The following CATSPER2 variants were observed in gnomAD, a reference collection of about 807,000 sequenced individuals.
CATSPER2 encodes cation channel sperm associated 2, also known as cation channel sperm-associated protein 2.
Under a neutral mutation model 68.8 loss-of-function variants are expected in CATSPER2, and 56 were observed. The ratio of observed to expected loss-of-function variants is 0.81; its 90% CI spans 0.66 to 1.02. CATSPER2 has a LOEUF of 1.02. Ranked by LOEUF, CATSPER2 falls within the 50% of genes least tolerant of loss-of-function variation. CATSPER2 has a pLI of 0.00. For synonymous variants in CATSPER2, 198 were observed against 229.9 expected (o/e 0.86, Z 1.26); for missense variants, 582 against 642.0 (o/e 0.91, Z 1.01).
rs1182004343 is a variant in CATSPER2, at chr15:43,628,539, C to A, written c.*2162G>T. On this transcript the variant is annotated 3_prime_UTR_variant, in exon 13 of 13. Transcript: ENST00000396879. ...ATTTGTTTATTCTGGACATTCAATT[C>A]ATTTGCCTTTTCCCCATCTTGGCCT... 1.3e-5 allele frequency: 2 copies of A among 148,224 alleles called. No homozygotes were observed. Among genetic ancestry groups the A allele is most frequent in the African/African-American group, 5.1e-5 (2 of 39,096 alleles). 9.2% of individuals were successfully genotyped at this position (148,224 alleles called of 1,614,324 possible).
chr15:43,645,303 G>A (rs2086144268), intron 4 of CATSPER2, among the ~76,000 whole-genome samples: 1 of 151,458 alleles, frequency 6.6e-6, no homozygotes, highest in African/African-American at 2.4e-5. Flanking sequence ...CGATCCTCCC[G>A]CCTCAGCCTC....
In CATSPER2 at chr15:43,639,119, A is replaced by G. The variant is rs2086022914; in HGVS notation, c.718-91T>C. On this transcript the variant is annotated intron_variant, in intron 6 of 12. Coordinates refer to ENST00000396879, the MANE Select transcript of CATSPER2 (RefSeq NM_172095.4). ...CAAGCTCACCTGGCAATCCCCCACC[A>G]AACCCTCTCTTGCACTGCTGAACCC... 2.0e-6 allele frequency: 3 copies of G among 1,502,108 alleles called. No individual in the cohort carries two copies. The Admixed American group carries it at 5.2e-5, about 26-fold the overall frequency. 93.0% of individuals were successfully genotyped at this position (1,502,108 alleles called of 1,614,324 possible).
chr15:43,638,795 C>G, intron 7 of CATSPER2, 109 bp downstream of exon 7: 8 of 1,309,326 alleles, frequency 6.1e-6, no homozygotes, highest in Non-Finnish European at 8.7e-6. Context: ...TGTTCTATTT[C>G]AGTTTCTTGG....
intron 4 of CATSPER2, chr15:43,642,350 G>A (rs903645870): frequency 6.6e-6 from 1 of 151,520 alleles, no homozygotes; most frequent in African/African-American, 2.4e-5. Context: ...TGCCCACCTC[G>A]GCCTCCCAAA....
intron 12 of CATSPER2, among the ~76,000 whole-genome samples, chr15:43,630,942 C>T (rs967858502): frequency 1.3e-4 from 20 of 152,094 alleles, no homozygotes; most frequent in Admixed American, 3.3e-4. Context: ...CTCCTTTTCA[C>T]CCTGTCCTCC....
chr15:43,632,347 C>T lies in CATSPER2; in HGVS notation c.1413G>A (p.Glu471=), dbSNP rs775393399. 4.3e-6 allele frequency: 7 copies of T among 1,613,564 alleles called. No individual in the cohort carries two copies. In the Admixed American group the frequency reaches 6.7e-5, roughly 15 times the overall value. ...CGGGCAGATTTTCGTGCACAAGAGT[C>T]TCCCAGTCCAAACGACCTGCAGGGA... The part of the protein sequence containing the change: ...FSESIGRLDW[E]TLVHENLPGL... The change falls in exon 12 of 13, where the codon GAG becomes GAA. Residue 471 remains glutamate (E), a synonymous_variant. Coordinates refer to ENST00000396879, the MANE Select transcript of CATSPER2 (RefSeq NM_172095.4).
At position 43,638,951 on chromosome 15, in the gene CATSPER2, C is replaced by G. The variant is rs764229568; in HGVS notation, c.795G>C (p.Glu265Asp). The stretch of plus-strand genomic sequence containing the variant: ...GGTCCTGACGAGGTGAACGGGTGTA[C>G]TCTGAGAAGACGTAGACACCAGTCA... ...FAVTGVYVFS[E>D]YTRSPRQDLE... Residue 265 changes from glutamate to aspartate, a missense_variant, in exon 7 of 13, where the codon GAG becomes GAC. Glu to Asp is a conservative substitution (Grantham distance 45, BLOSUM62 2). Transcript: ENST00000396879. The G allele has an allele frequency of 6.2e-7, 1 of 1,613,188 alleles. No homozygotes were observed.
At chr15:43,646,974 C>T in intron 4 of CATSPER2, 76 bp downstream of exon 4, 1 of 1,308,530 alleles carries the variant, frequency 7.6e-7, no homozygotes, top group East Asian at 2.3e-5. Flanking sequence ...GCCCCGGCCT[C>T]CCAAAGTGCT....
intron 4 of CATSPER2, among the ~76,000 whole-genome samples, chr15:43,642,005 G>A (rs2086082965): frequency 6.6e-6 from 1 of 151,890 alleles, no homozygotes; most frequent in East Asian, 1.9e-4. Flanking sequence ...GCACTCCTAT[G>A]CTTATTTAGG....
intron 4 of CATSPER2, among the ~76,000 whole-genome samples, chr15:43,641,018 C>G (rs1191865774): frequency 6.6e-6 from 1 of 151,898 alleles, no homozygotes; most frequent in African/African-American, 2.4e-5. Flanking sequence ...AAAACTTTTC[C>G]TTTCTTCCCT....
rs192566425 is a variant in CATSPER2 at position 43,646,861 on chromosome 15, C to T, written c.388+189G>A. 1.5e-4 allele frequency among the ~76,000 whole-genome samples: 22 copies of T among 151,678 alleles called. 1 individual carries two copies. Among genetic ancestry groups the T allele is most frequent in the Admixed American group, 1.4e-3 (21 of 15,240 alleles). On this transcript the variant is annotated intron_variant, in intron 4 of 12. Coordinates refer to ENST00000396879, the MANE Select transcript of CATSPER2 (RefSeq NM_172095.4). Reference sequence around the variant, plus strand: ...TCCCAAGTAGCTGGGACTACAAGCGCGTGCTACCAAGCCCGGCTAATTTTT... The same window carrying T: ...TCCCAAGTAGCTGGGACTACAAGCGTGTGCTACCAAGCCCGGCTAATTTTT...
At chr15:43,648,500 G>T in intron 1 of CATSPER2, 129 bp downstream of exon 1, 1 of 941,694 alleles carries the variant, frequency 1.1e-6, no homozygotes, top group Non-Finnish European at 1.5e-6. Context: ...GAGAAACCAA[G>T]TGCAGAGAAA....
chr15:43,634,599 C>A (rs531150969), intron 10 of CATSPER2: 52 of 152,452 alleles, frequency 3.4e-4, no homozygotes, highest in African/African-American at 1.1e-3. Flanking sequence ...TCTTGAACTT[C>A]TGGCTTGAAC....
intron 7 of CATSPER2, among the ~76,000 whole-genome samples, chr15:43,636,481 C>T (rs1209090397): frequency 2.0e-5 from 3 of 151,822 alleles, no homozygotes; most frequent in Admixed American, 2.0e-4. Flanking sequence ...ACCTCCACCT[C>T]CTGGGTTCAA....
intron 4 of CATSPER2, 33 bp from the exon 5 acceptor site, chr15:43,640,529 T>A: frequency 6.2e-7 from 1 of 1,612,656 alleles, no homozygotes; most frequent in East Asian, 2.2e-5. Context: ...GAATAAAAGT[T>A]AAGGAAGCTG....
intron 4 of CATSPER2, 116 bp downstream of exon 4, chr15:43,646,934 C>T (rs1172434647): frequency 1.1e-6 from 1 of 877,034 alleles, no homozygotes; most frequent in Non-Finnish European, 1.9e-6. Context: ...CCAGGCTGGT[C>T]TCCAACTCCT....
At chr15:43,632,622 G>A in intron 11 of CATSPER2, 95 bp downstream of exon 11, 4 of 1,600,888 alleles carry the variant, frequency 2.5e-6, no homozygotes, top group Non-Finnish European at 1.7e-6. Flanking sequence ...TTGGAAAGGA[G>A]ATATACTAGG....
rs768405401 is a variant in CATSPER2, at chr15:43,636,237, T to G, written c.843-18A>C. ...GGAGGTCCCTAAAGAAAAAGACATGTGAATAGACAGAAGCAGAGACCTAAA... is the reference window on the plus strand; with the variant it reads ...GGAGGTCCCTAAAGAAAAAGACATGGGAATAGACAGAAGCAGAGACCTAAA... On this transcript the variant is annotated intron_variant, in intron 7 of 12. Coordinates refer to ENST00000396879, the MANE Select transcript of CATSPER2 (RefSeq NM_172095.4). 3.7e-5 allele frequency: 59 copies of G among 1,612,852 alleles called. 1 individual carries two copies. The East Asian group carries it at 1.3e-3, about 36-fold the overall frequency.
intron 4 of CATSPER2, 59 bp from the exon 5 acceptor site, chr15:43,640,555 A>T (rs2086054992): frequency 6.2e-7 from 1 of 1,610,366 alleles, no homozygotes; most frequent in African/African-American, 1.3e-5. Context: ...CGAATGATGG[A>T]GAATGAACAC....
Sources: gnomAD v4.1 joint callset for allele counts (sites outside exome capture counted in the v4.1 genomes callset) on GRCh38, gnomAD v4.1.1 for gene constraint, MANE v1.5 for transcripts, NCBI Gene and HGNC (gene_info 2026-07-23, HGNC 2026-07-21) for gene names.